The following LRRC72 variants were observed in gnomAD, a reference collection of about 807,000 sequenced individuals.
The protein encoded by LRRC72 is leucine-rich repeat-containing protein 72.
LRRC72 carries 41 observed loss-of-function variants against 35.8 expected under a neutral mutation model. The observed-to-expected ratio is 1.15, with a 90% confidence interval of 0.89 to 1.49. The LOEUF (loss-of-function observed/expected upper bound fraction) is 1.49, where lower values mean the gene tolerates loss of function less well. LRRC72 is among the 40% of genes most tolerant of loss of function. LRRC72 has a pLI of 0.00. For synonymous variants in LRRC72, 118 were observed against 119.2 expected (o/e 0.99, Z 0.07); for missense variants, 389 against 330.7 (o/e 1.18, Z -1.37).
At chr7:16,580,571 G>A (rs1348368224) in intron 8 of LRRC72, among the ~76,000 whole-genome samples, 1 of 152,198 alleles carries the variant, frequency 6.6e-6, no homozygotes, top group South Asian at 2.1e-4. Context: ...TTGAACCCAG[G>A]AGGCAGAAGT....
At chr7:16,565,677 A>G (rs1298729489) in intron 5 of LRRC72, among the ~76,000 whole-genome samples, 2 of 152,134 alleles carry the variant, frequency 1.3e-5, no homozygotes, top group African/African-American at 4.8e-5. Flanking sequence ...CTGCATTAGG[A>G]AGTGCGGTTT....
At chr7:16,531,873 A>G (rs1214643995) in intron 1 of LRRC72, among the ~76,000 whole-genome samples, 1 of 152,208 alleles carries the variant, frequency 6.6e-6, no homozygotes, top group Non-Finnish European at 1.5e-5. Context: ...TTCTCCACCA[A>G]AAATTCTCAC....
At chr7:16,563,107 C>T (rs961282155) in intron 5 of LRRC72, among the ~76,000 whole-genome samples, 1 of 152,152 alleles carries the variant, frequency 6.6e-6, no homozygotes, top group Non-Finnish European at 1.5e-5. Context: ...TTAACTTCTC[C>T]ATGTCATTTT....
At chr7:16,564,762 A>T (rs949275436) in intron 5 of LRRC72, among the ~76,000 whole-genome samples, 1 of 152,212 alleles carries the variant, frequency 6.6e-6, no homozygotes, top group Non-Finnish European at 1.5e-5. Context: ...TTATACAACA[A>T]ATATCAGAAT....
At chr7:16,580,685 T>C (rs1045691417) in intron 8 of LRRC72, among the ~76,000 whole-genome samples, 2 of 152,126 alleles carry the variant, frequency 1.3e-5, no homozygotes, top group African/African-American at 4.8e-5. Flanking sequence ...CTATTAGCTA[T>C]TCTGAAAGTG....
At chr7:16,567,565 A>G in intron 7 of LRRC72, 22 bp downstream of exon 7, 1 of 1,418,186 alleles carries the variant, frequency 7.1e-7, no homozygotes, top group Non-Finnish European at 9.3e-7. Context: ...AAAAAAAAAA[A>G]AAAACAAATT....
At chr7:16,544,138 T>G (rs1782405211) in intron 3 of LRRC72, among the ~76,000 whole-genome samples, 1 of 152,204 alleles carries the variant, frequency 6.6e-6, no homozygotes, top group Admixed American at 6.5e-5. Context: ...CTGCCTGGAA[T>G]GAGACAACAC....
Position 16,537,693 on chromosome 7 carries a change from C to T in LRRC72, c.231C>T (p.Asn77=). The T allele has an allele frequency of 1.4e-6, 2 of 1,456,458 alleles. No homozygotes were observed. The highest frequency in any genetic ancestry group is 1.9e-6 in the Non-Finnish European group (2 of 1,074,498). 90.2% of individuals were successfully genotyped at this position (1,456,458 alleles called of 1,614,324 possible). Residue 77 remains asparagine (N), a synonymous_variant, in exon 3 of 9, where the codon AAC becomes AAT. Transcript: ENST00000401542. ...KKLKYLWLHH[N]KLHGITFLTR... ...TAAAATACTTATGGCTTCATCATAACAAGGTAGTGTTTTATTTTATCTTTC... is the reference window on the plus strand; with the variant it reads ...TAAAATACTTATGGCTTCATCATAATAAGGTAGTGTTTTATTTTATCTTTC...
intron 3 of LRRC72, among the ~76,000 whole-genome samples, chr7:16,540,156 G>C (rs1212003636): frequency 6.6e-6 from 1 of 152,182 alleles, no homozygotes; most frequent in East Asian, 1.9e-4. Context: ...AAACCACAGG[G>C]GCAGAGCTGC....
chr7:16,538,330 A>G (rs1214278360), intron 3 of LRRC72, among the ~76,000 whole-genome samples: 1 of 152,100 alleles, frequency 6.6e-6, no homozygotes, highest in Non-Finnish European at 1.5e-5. Context: ...TTTGCTTTGT[A>G]CCCTATAGTA....
intron 3 of LRRC72, among the ~76,000 whole-genome samples, chr7:16,538,451 C>A (rs1004851274): frequency 1.3e-5 from 2 of 152,188 alleles, no homozygotes; most frequent in Non-Finnish European, 2.9e-5. Flanking sequence ...CTCACCTCAC[C>A]TTTATCCCAG....
intron 7 of LRRC72, among the ~76,000 whole-genome samples, chr7:16,574,879 T>C (rs1257133694): frequency 6.6e-6 from 1 of 151,382 alleles, no homozygotes; most frequent in Admixed American, 6.6e-5. Context: ...ACTTTGGGAG[T>C]CCAAGGCAGG....
At chr7:16,574,983 C>T (rs893162797) in intron 7 of LRRC72, among the ~76,000 whole-genome samples, 3 of 151,912 alleles carry the variant, frequency 2.0e-5, no homozygotes, top group Non-Finnish European at 2.9e-5. Flanking sequence ...GGCATGATGG[C>T]GGGCACCTGT....
chr7:16,577,364 G>C (rs1407284912), intron 7 of LRRC72, among the ~76,000 whole-genome samples: 1 of 152,062 alleles, frequency 6.6e-6, no homozygotes, highest in Non-Finnish European at 1.5e-5. Context: ...CTTTCTAAGG[G>C]AGATACCATA....
At chr7:16,557,288 CAG>C (rs1341902700) in intron 3 of LRRC72, 70 bp from the exon 4 acceptor site, 3 of 382,552 alleles carry the variant, frequency 7.8e-6, no homozygotes, top group Non-Finnish European at 1.4e-5. Flanking sequence ...TTATGTATAT[CAG>C]GTTATTTATA....
Position 16,526,943 on chromosome 7 carries a change from A to G in LRRC72, c.-10A>G. On this transcript the variant is annotated 5_prime_UTR_variant, in exon 1 of 9. The change abolishes an upstream ATG in the 5' untranslated region. Coordinates refer to ENST00000401542, the MANE Select transcript of LRRC72 (RefSeq NM_001195280.2). ...TTAATCACCGCTGCTTCGGCCGCCC[A>G]TGTGTCCTGATGTCCTGGGACCCGA... The G allele has an allele frequency of 1.9e-6, 3 of 1,538,806 alleles. No individual in the cohort carries two copies. The highest frequency in any genetic ancestry group is 2.0e-5 in the Admixed American group (1 of 51,002).
At chr7:16,559,118 G>C in intron 5 of LRRC72, 119 bp downstream of exon 5, 1 of 581,404 alleles carries the variant, frequency 1.7e-6, no homozygotes, top group African/African-American at 1.9e-5. Flanking sequence ...TTTAGGCTGG[G>C]CACTGTGACT....
intron 7 of LRRC72, among the ~76,000 whole-genome samples, chr7:16,576,651 A>G (rs991107743): frequency 6.6e-6 from 1 of 152,196 alleles, no homozygotes; most frequent in African/African-American, 2.4e-5. Flanking sequence ...GGCTTTAAGA[A>G]CCTGATTTGC....
chr7:16,541,782 G>T (rs778368820), intron 3 of LRRC72, among the ~76,000 whole-genome samples: 2 of 152,138 alleles, frequency 1.3e-5, no homozygotes, highest in Non-Finnish European at 2.9e-5. Context: ...TGTGGTGGCG[G>T]GTACCTGTAA....
Sources: gnomAD v4.1 joint callset for allele counts (sites outside exome capture counted in the v4.1 genomes callset) on GRCh38, gnomAD v4.1.1 for gene constraint, MANE v1.5 for transcripts, NCBI Gene and HGNC (gene_info 2026-07-23, HGNC 2026-07-21) for gene names.